Variants in DCAF13 observed in about 807,000 individuals in gnomAD.
DCAF13 encodes DDB1- and CUL4-associated factor 13.
In DCAF13, 38 loss-of-function variants were observed where a neutral mutation model predicts 59.0. The ratio of observed to expected loss-of-function variants is 0.64; its 90% confidence interval spans 0.50 to 0.84. DCAF13 has a LOEUF of 0.84. Ranked by LOEUF, DCAF13 falls within the 40% of genes least tolerant of loss-of-function variation. The pLI is 0.00. For missense variants in DCAF13, 469 were observed against 558.4 expected, an observed-to-expected ratio of 0.84 and a Z score of 1.61; for synonymous variants, 173 against 175.0, an observed-to-expected ratio of 0.99 and a Z score of 0.09.
At chr8:103,432,326 A>T (rs929338538) in intron 6 of DCAF13, among the ~76,000 whole-genome samples, 2 of 152,154 alleles carry the variant, frequency 1.3e-5, no homozygotes, top group African/African-American at 2.4e-5. Context: ...ACAGTTCTTT[A>T]TGTTAACCCT....
chr8:103,417,061 T>C (rs1223023453), intron 1 of DCAF13, among the ~76,000 whole-genome samples: 1 of 152,204 alleles, frequency 6.6e-6, no homozygotes, highest in African/African-American at 2.4e-5. Flanking sequence ...GTATGCTTTC[T>C]TTGTGAAGTA....
At chr8:103,429,854 GAA>G (rs1816838727) in intron 5 of DCAF13, 2 of 152,030 alleles carry the variant, frequency 1.3e-5, no homozygotes, top group Admixed American at 1.3e-4. Flanking sequence ...CAGCTCTTTG[GAA>G]AAATAATTAG....
intron 7 of DCAF13, among the ~76,000 whole-genome samples, chr8:103,435,422 G>C (rs1816919714): frequency 6.6e-6 from 1 of 151,914 alleles, no homozygotes; most frequent in African/African-American, 2.4e-5. Context: ...AAAATGTGTT[G>C]GTATATATAT....
chr8:103,440,853 G>A (rs1415926036), intron 9 of DCAF13: 1 of 150,360 alleles, frequency 6.7e-6, no homozygotes, highest in Non-Finnish European at 1.5e-5. Flanking sequence ...ATAAGAAACA[G>A]AGTGTTTATA....
At chr8:103,421,141 T>C (rs376534034) in intron 3 of DCAF13, 59 bp downstream of exon 3, 3 of 1,164,744 alleles carry the variant, frequency 2.6e-6, no homozygotes, top group Non-Finnish European at 3.9e-6. Flanking sequence ...ATAATCTAAT[T>C]GAATACATTT....
At chr8:103,422,262 G>A (rs1347601595) in intron 3 of DCAF13, among the ~76,000 whole-genome samples, 2 of 152,164 alleles carry the variant, frequency 1.3e-5, no homozygotes, top group Non-Finnish European at 2.9e-5. Context: ...TGGGCTGTTC[G>A]AGTGAAGATG....
intron 10 of DCAF13, 155 bp downstream of exon 10, chr8:103,441,773 TC>T: frequency 1.4e-6 from 1 of 697,418 alleles, no homozygotes; most frequent in Admixed American, 3.8e-5. Context: ...GAAGGCCTTT[TC>T]TTTTTTCTTT....
chr8:103,430,448 T>A, intron 5 of DCAF13, 164 bp from the exon 6 acceptor site: 1 of 467,140 alleles, frequency 2.1e-6, no homozygotes, highest in Non-Finnish European at 3.9e-6. Context: ...GTGAAAATAC[T>A]TGGTTTAAGT....
At chr8:103,438,264 A>G (rs1816960355) in intron 8 of DCAF13, among the ~76,000 whole-genome samples, 1 of 152,214 alleles carries the variant, frequency 6.6e-6, no homozygotes, top group Non-Finnish European at 1.5e-5. Context: ...CGGGAGAAGA[A>G]AAAGCAGTCT....
intron 1 of DCAF13, among the ~76,000 whole-genome samples, chr8:103,418,748 G>A (rs1015888269): frequency 2.1e-5 from 3 of 142,900 alleles, no homozygotes; most frequent in African/African-American, 5.1e-5. Flanking sequence ...GAAGTCATGG[G>A]GTAAGAAGAT....
Position 103,441,525 on chromosome 8 carries a change from A to C in DCAF13, c.1157A>C (p.His386Pro). 6.2e-7 allele frequency: 1 copy of C among 1,608,360 alleles called. No homozygotes were observed. Among genetic ancestry groups the C allele is most frequent in the South Asian group, 1.1e-5 (1 of 89,348 alleles). The change falls in exon 10 of 11, where the codon CAT becomes CCT. Residue 386 changes from histidine to proline, a missense_variant. By Grantham distance (77) the His-to-Pro change is moderately conservative. Transcript: ENST00000612750. ...AAGGAGAAATTTCAGCATTATCCTC[A>C]TATAAAACGTATAGCTCGTCATCGA... ...KLKEKFQHYP[H>P]IKRIARHRHL...
intron 1 of DCAF13, among the ~76,000 whole-genome samples, 176 bp from the exon 2 acceptor site, chr8:103,420,088 T>G (rs1035116267): frequency 5.3e-5 from 8 of 152,182 alleles, no homozygotes; most frequent in Admixed American, 4.6e-4. Context: ...ATCCCATGAT[T>G]TTCCAGTAAT....
chr8:103,428,648 CAT>C (rs977213994), intron 5 of DCAF13: 9 of 152,024 alleles, frequency 5.9e-5, no homozygotes, highest in African/African-American at 1.9e-4. Flanking sequence ...AAGTTGATAA[CAT>C]ATGTGAACAT....
intron 1 of DCAF13, among the ~76,000 whole-genome samples, chr8:103,419,292 C>G (rs983264718): frequency 6.6e-6 from 1 of 152,108 alleles, no homozygotes; most frequent in African/African-American, 2.4e-5. Context: ...TCCACCGTGT[C>G]GTATTCGAGT....
chr8:103,418,824 TTATATATATATA>T (rs1188672878), intron 1 of DCAF13, among the ~76,000 whole-genome samples: 751 of 41,368 alleles, frequency 0.018, 5 homozygotes, highest in Non-Finnish European at 0.022. Flanking sequence ...CTAAGCATAA[TTATATATATATA>T]TATATATATA....
chr8:103,432,123 C>G (rs1816873057), intron 6 of DCAF13, among the ~76,000 whole-genome samples: 1 of 152,112 alleles, frequency 6.6e-6, no homozygotes, highest in African/African-American at 2.4e-5. Context: ...GGATTGTAGT[C>G]CCCTACCAGG....
intron 3 of DCAF13, among the ~76,000 whole-genome samples, chr8:103,423,517 G>C (rs949263278): frequency 3.3e-5 from 5 of 152,124 alleles, no homozygotes; most frequent in African/African-American, 1.2e-4. Context: ...GGAGTAAAAT[G>C]GTCATTACTA....
At chr8:103,437,547 A>C (rs1816948817) in intron 8 of DCAF13, among the ~76,000 whole-genome samples, 1 of 152,064 alleles carries the variant, frequency 6.6e-6, no homozygotes, top group South Asian at 2.1e-4. Context: ...TTGTCTCCTG[A>C]TGTCATTTGG....
intron 1 of DCAF13, 49 bp downstream of exon 1, chr8:103,415,565 G>T: frequency 1.9e-6 from 3 of 1,539,246 alleles, no homozygotes; most frequent in Non-Finnish European, 2.6e-6. Context: ...AAGTCGTTGG[G>T]TCTAGCCTCG....
Sources: allele counts gnomAD v4.1 joint callset (sites outside exome capture counted in the v4.1 genomes callset), GRCh38; gene constraint gnomAD v4.1.1; transcripts MANE v1.5; gene names NCBI Gene and HGNC (gene_info 2026-07-23, HGNC 2026-07-21).